The following WDR41 variants were observed in gnomAD, a reference collection of about 807,000 sequenced individuals.
WDR41 encodes WD repeat-containing protein 41.
A neutral mutation model predicts 69.3 loss-of-function variants in WDR41; 63 were observed. That is an observed-to-expected ratio of 0.91 (90% CI 0.74 to 1.12). The LOEUF (loss-of-function observed/expected upper bound fraction) is 1.12. Among genes scored for constraint, WDR41 ranks in the 50% most tolerant of loss-of-function variants. The pLI is 0.00. For missense variants in WDR41, 543 were observed against 534.5 expected (o/e 1.02, Z -0.16); for synonymous variants, 185 against 192.1 (o/e 0.96, Z 0.31).
At position 77,463,181 on chromosome 5, in the gene WDR41, T is replaced by C; in HGVS notation, c.262A>G (p.Thr88Ala). Reference sequence around the variant, plus strand: ...AAGGAAGGAAATGTAATAATAGCTGTTATCTTTTGAGTGTGTCCATTCAGT... The same window carrying C: ...AAGGAAGGAAATGTAATAATAGCTGCTATCTTTTGAGTGTGTCCATTCAGT... ...LELNGHTQKI[T>A]AIITFPSLES... is the part of the protein sequence containing the mutation. Residue 88 changes from threonine (T) to alanine (A), a missense_variant, in exon 4 of 13, where the codon ACA becomes GCA. Transcript: ENST00000296679. 1 of 1,612,910 alleles carries C rather than the reference T, an allele frequency of 6.2e-7. No individual in the cohort carries two copies. Among genetic ancestry groups the C allele is most frequent in the Non-Finnish European group, 8.5e-7 (1 of 1,179,386 alleles).
At chr5:77,470,696 T>C (rs1165027044) in intron 2 of WDR41, among the ~76,000 whole-genome samples, 1 of 152,140 alleles carries the variant, frequency 6.6e-6, no homozygotes, top group Non-Finnish European at 1.5e-5. Flanking sequence ...CATTACATCA[T>C]GGTAAAGGGA....
At chr5:77,612,088 C>T (rs1246858314) in intron 1 of WDR41, among the ~76,000 whole-genome samples, 2 of 152,094 alleles carry the variant, frequency 1.3e-5, no homozygotes, top group East Asian at 3.8e-4. Flanking sequence ...CAAGACTAAA[C>T]CAGGAAGAAG....
intron 1 of WDR41, among the ~76,000 whole-genome samples, chr5:77,575,567 A>G (rs1417089232): frequency 6.6e-6 from 1 of 152,214 alleles, no homozygotes; most frequent in African/African-American, 2.4e-5. Context: ...AAATAATGCT[A>G]TAGCACACCA....
intron 1 of WDR41, among the ~76,000 whole-genome samples, chr5:77,610,484 G>C (rs1157356462): frequency 6.6e-6 from 1 of 152,110 alleles, no homozygotes; most frequent in Non-Finnish European, 1.5e-5. Flanking sequence ...AGCCAGAAGA[G>C]AGTGGGGGCC....
chr5:77,434,187 T>G (rs919841675), intron 12 of WDR41, among the ~76,000 whole-genome samples: 3 of 151,966 alleles, frequency 2.0e-5, no homozygotes, highest in Admixed American at 1.3e-4. Flanking sequence ...GCTGGGTATC[T>G]GTAATCCCAG....
At chr5:77,477,265 C>A (rs949665535) in intron 2 of WDR41, among the ~76,000 whole-genome samples, 4 of 150,858 alleles carry the variant, frequency 2.7e-5, no homozygotes, top group African/African-American at 9.9e-5. Context: ...GACAGATCAA[C>A]GAGACAGAAA....
chr5:77,479,643 C>T (rs865921878), intron 2 of WDR41, among the ~76,000 whole-genome samples: 1 of 152,122 alleles, frequency 6.6e-6, no homozygotes, highest in Non-Finnish European at 1.5e-5. Flanking sequence ...AAACTGGATC[C>T]CTTCCTTACA....
intron 4 of WDR41, among the ~76,000 whole-genome samples, chr5:77,462,860 T>C (rs1161845230): frequency 2.6e-5 from 4 of 152,232 alleles, no homozygotes; most frequent in Non-Finnish European, 4.4e-5. Flanking sequence ...AGAGTAACTC[T>C]GGAAAGAACA....
At position 77,440,923 on chromosome 5, in the gene WDR41, A is replaced by T; in HGVS notation, c.772T>A (p.Tyr258Asn). The change falls in exon 9 of 13, where the codon TAT (tyrosine) becomes AAT (asparagine). Residue 258 changes from tyrosine to asparagine, a missense_variant. Tyr to Asn is a moderately radical substitution (Grantham distance 143). Coordinates refer to ENST00000296679, the MANE Select transcript of WDR41 (RefSeq NM_018268.4). Reference protein sequence around the residue: ...WDALDWTMQAYERNFWDPSPQ... With the variant: ...WDALDWTMQANERNFWDPSPQ... ...GATGGGTCCCAGAAGTTGCGTTCAT[A>T]GGCCTGCATGGTCCAGTCCAGGGCA... The T allele has an allele frequency of 6.2e-7, 1 of 1,614,204 alleles. No homozygotes were observed. Among genetic ancestry groups the T allele is most frequent in the Non-Finnish European group, 8.5e-7 (1 of 1,180,038 alleles).
intron 1 of WDR41, among the ~76,000 whole-genome samples, chr5:77,516,649 A>G (rs1162770456): frequency 1.3e-5 from 2 of 152,214 alleles, no homozygotes; most frequent in East Asian, 3.8e-4. Flanking sequence ...CCAAGACAAT[A>G]GCACCTATGT....
At position 77,468,838 on chromosome 5, in the gene WDR41, AT is replaced by A. The variant is rs560801225; in HGVS notation, c.168-4030del. Reference sequence around the variant, plus strand: ...ATACAGTTTCCATGATCATCTCATCATTTTTTTTGTACAGTAAGACGCAGGA... The same window carrying A: ...ATACAGTTTCCATGATCATCTCATCATTTTTTTGTACAGTAAGACGCAGGA... On this transcript the variant is annotated intron_variant, in intron 2 of 12. Coordinates refer to ENST00000296679, the MANE Select transcript of WDR41 (RefSeq NM_018268.4). Among the ~76,000 whole-genome samples, 854 of 152,116 alleles carry A rather than the reference AT, an allele frequency of 5.6e-3. 8 individuals carry two copies. The highest frequency in any genetic ancestry group is 8.9e-3 in the Non-Finnish European group (604 of 67,974).
chr5:77,436,452 C>T lies in WDR41; in HGVS notation c.1094-58G>A, dbSNP rs1798939078. 29 of 1,584,976 alleles carry T rather than the reference C, an allele frequency of 1.8e-5. No homozygotes were observed. In the South Asian group the frequency reaches 3.1e-4, roughly 17 times the overall value. On this transcript the variant is annotated intron_variant, in intron 11 of 12. Coordinates refer to ENST00000296679, the MANE Select transcript of WDR41 (RefSeq NM_018268.4). ...CTCTGTACTTACAATAACATGAGATCAGAAAAACAAAATTTAAATGTGAAG... is the reference window on the plus strand; with the variant it reads ...CTCTGTACTTACAATAACATGAGATTAGAAAAACAAAATTTAAATGTGAAG...
intron 1 of WDR41, among the ~76,000 whole-genome samples, chr5:77,610,594 C>G (rs1263928951): frequency 2.0e-5 from 3 of 151,760 alleles, no homozygotes; most frequent in African/African-American, 7.3e-5. Flanking sequence ...ACTTTACAGA[C>G]AAGCAAATGC....
chr5:77,599,121 GT>G (rs35077936), intron 1 of WDR41, among the ~76,000 whole-genome samples: 14,075 of 134,584 alleles, frequency 0.1, 846 homozygotes, highest in East Asian at 0.26. Context: ...TAAAACATAC[GT>G]TTTTTTTTTT....
intron 4 of WDR41, 59 bp downstream of exon 4, chr5:77,463,036 G>C (rs545871058): frequency 1.9e-6 from 3 of 1,566,246 alleles, no homozygotes; most frequent in Non-Finnish European, 2.6e-6. Context: ...GACTAATAGT[G>C]TATGTAGTGG....
chr5:77,484,331 G>A (rs546865622), intron 2 of WDR41, among the ~76,000 whole-genome samples: 2 of 152,246 alleles, frequency 1.3e-5, no homozygotes, highest in South Asian at 2.1e-4. Context: ...GAAATTCCCC[G>A]CTTGATTCAG....
chr5:77,541,064 A>C (rs1278202573), intron 1 of WDR41, among the ~76,000 whole-genome samples: 1 of 152,212 alleles, frequency 6.6e-6, no homozygotes. Flanking sequence ...ATTCTCATTA[A>C]AGAAAATTCT....
At chr5:77,609,963 G>A (rs931868669) in intron 1 of WDR41, among the ~76,000 whole-genome samples, 2 of 152,098 alleles carry the variant, frequency 1.3e-5, no homozygotes, top group African/African-American at 4.8e-5. Flanking sequence ...AGTGCTTAAA[G>A]GAGCTGATGG....
At chr5:77,459,175 T>C in intron 4 of WDR41, 51 bp from the exon 5 acceptor site, 3 of 1,345,894 alleles carry the variant, frequency 2.2e-6, no homozygotes, top group South Asian at 1.3e-5. Context: ...AAATCTTAAT[T>C]ATAACTTTTC....
Sources: allele counts gnomAD v4.1 joint callset (sites outside exome capture counted in the v4.1 genomes callset), GRCh38; gene constraint gnomAD v4.1.1; transcripts MANE v1.5; gene names NCBI Gene and HGNC (gene_info 2026-07-23, HGNC 2026-07-21).